The following GSE1 variants were observed in gnomAD, a reference collection of about 807,000 sequenced individuals.
GSE1 encodes the protein Gse1 coiled-coil protein.
Under a neutral mutation model 112.6 loss-of-function variants are expected in GSE1, and 32 were observed. The ratio of observed to expected loss-of-function variants is 0.28; its 90% CI spans 0.21 to 0.38. The LOEUF (loss-of-function observed/expected upper bound fraction) is 0.38, where lower values mean the gene tolerates loss of function less well. Ranked by LOEUF, GSE1 falls within the 10% of genes least tolerant of loss-of-function variation. The pLI is 1.00. For synonymous variants in GSE1, 1,115 were observed against 735.6 expected, an observed-to-expected ratio of 1.52 and a Z score of -8.35; for missense variants, 2,348 against 1,699.2, an observed-to-expected ratio of 1.38 and a Z score of -6.71.
At chr16:85,623,779 G>A (rs115470192) in intron 1 of GSE1, among the ~76,000 whole-genome samples, 3 of 152,250 alleles carry the variant, frequency 2.0e-5, no homozygotes, top group African/African-American at 4.8e-5. Context: ...ACCCCTCTTC[G>A]AAGGCCAGGT....
At chr16:85,346,430 G>GTAGA (rs145383664) in intron 1 of GSE1, among the ~76,000 whole-genome samples, 135,342 of 145,274 alleles carry the variant, frequency 0.93, 63,799 homozygotes, top group East Asian at 1. Context: ...TGATGGACAG[G>GTAGA]TGGATGGTGG....
intron 2 of GSE1, among the ~76,000 whole-genome samples, chr16:85,369,819 C>T (rs528626024): frequency 8.4e-4 from 128 of 152,336 alleles, no homozygotes; most frequent in African/African-American, 2.6e-3. Context: ...ATTTATTGAG[C>T]GCCGACTGTG....
chr16:85,515,523 G>A (rs1331973058), intron 2 of GSE1, among the ~76,000 whole-genome samples: 1 of 152,164 alleles, frequency 6.6e-6, no homozygotes, highest in Non-Finnish European at 1.5e-5. Context: ...AGCTCAGAAA[G>A]AAGGGCCAGA....
intron 1 of GSE1, among the ~76,000 whole-genome samples, chr16:85,321,360 C>G (rs1182458881): frequency 6.6e-6 from 1 of 152,194 alleles, no homozygotes; most frequent in Non-Finnish European, 1.5e-5. Context: ...TGGTTTCTCC[C>G]CTCTTCTGCC....
intron 1 of GSE1, among the ~76,000 whole-genome samples, chr16:85,219,625 C>T (rs928523802): frequency 2.0e-5 from 3 of 152,222 alleles, no homozygotes; most frequent in Non-Finnish European, 4.4e-5. Context: ...CCTCCATCTC[C>T]GAATGTCGCC....
intron 4 of GSE1, 152 bp downstream of exon 4, chr16:85,654,602 T>C: frequency 1.3e-6 from 1 of 781,624 alleles, no homozygotes; most frequent in African/African-American, 1.7e-5. Flanking sequence ...CAGCCCTGTC[T>C]GTGCCCCTTC....
intron 2 of GSE1, among the ~76,000 whole-genome samples, chr16:85,460,305 C>T (rs1166861146): frequency 6.6e-6 from 1 of 152,108 alleles, no homozygotes; most frequent in Admixed American, 6.5e-5. Context: ...ATACCTGGAC[C>T]CCCTTCTCCA....
At chr16:85,366,923 C>T (rs1167679794) in intron 2 of GSE1, among the ~76,000 whole-genome samples, 1 of 152,196 alleles carries the variant, frequency 6.6e-6, no homozygotes, top group African/African-American at 2.4e-5. Flanking sequence ...GGCTGAGTAG[C>T]AGGAGTGGCT....
chr16:85,286,189 T>C (rs2045019236), intron 1 of GSE1, among the ~76,000 whole-genome samples: 1 of 152,216 alleles, frequency 6.6e-6, no homozygotes, highest in South Asian at 2.1e-4. Flanking sequence ...GGCCCCGTGC[T>C]CCGAGCATGT....
intron 1 of GSE1, among the ~76,000 whole-genome samples, chr16:85,241,504 T>G (rs943668693): frequency 6.6e-6 from 1 of 152,206 alleles, no homozygotes; most frequent in East Asian, 1.9e-4. Context: ...AGTTGGTTAT[T>G]TTTTTTCAGA....
At chr16:85,605,066 C>T (rs931547697) in intron 1 of GSE1, among the ~76,000 whole-genome samples, 1 of 150,932 alleles carries the variant, frequency 6.6e-6, no homozygotes. Context: ...ATCCGTCCGC[C>T]TCGGCCTCCC....
intron 1 of GSE1, among the ~76,000 whole-genome samples, chr16:85,582,725 G>A (rs970840537): frequency 6.6e-6 from 1 of 152,066 alleles, no homozygotes; most frequent in Non-Finnish European, 1.5e-5. Flanking sequence ...GGGTGGGGAC[G>A]GGGCCATCCT....
At chr16:85,493,678 G>A (rs1025123551) in intron 2 of GSE1, among the ~76,000 whole-genome samples, 33 of 151,414 alleles carry the variant, frequency 2.2e-4, no homozygotes, top group Admixed American at 5.3e-4. Context: ...GCTTGAACCC[G>A]GGAGGCGGAG....
intron 1 of GSE1, among the ~76,000 whole-genome samples, chr16:85,269,301 A>G (rs778903860): frequency 6.7e-6 from 1 of 149,386 alleles, no homozygotes; most frequent in Admixed American, 6.6e-5. Flanking sequence ...CTGTGTCCCA[A>G]GATGGTGAGA....
intron 1 of GSE1, among the ~76,000 whole-genome samples, chr16:85,258,812 T>C (rs11863911): frequency 0.47 from 71,798 of 152,150 alleles, 19,185 homozygotes; most frequent in African/African-American, 0.74. Context: ...GTTTAGCCTC[T>C]GCCCCTTGTG....
intron 1 of GSE1, among the ~76,000 whole-genome samples, chr16:85,350,060 C>T (rs2046823122): frequency 6.6e-6 from 1 of 152,218 alleles, no homozygotes; most frequent in African/African-American, 2.4e-5. Context: ...GCTGACTTGA[C>T]TTCTGAGCCT....
At position 85,656,477 on chromosome 16, in the gene GSE1, G is replaced by A. The variant is rs755389489; in HGVS notation, c.1124G>A (p.Arg375His). Residue 375 changes from arginine to histidine, a missense_variant, in exon 7 of 16, where the codon CGT becomes CAT. Coordinates refer to ENST00000253458, the MANE Select transcript of GSE1 (RefSeq NM_014615.5). ...REKEREQEKE[R>H]EREKEREREL... ...AAGGAGCGCGAGCAAGAGAAGGAGC[G>A]TGAGCGTGAGAAGGAGCGCGAGCGC... is the stretch of plus-strand genomic sequence containing the variant. The A allele has an allele frequency of 2.2e-5, 34 of 1,530,954 alleles. No individual in the cohort carries two copies. Among genetic ancestry groups the A allele is most frequent in the Middle Eastern group, 1.7e-4 (1 of 5,776 alleles). The allele number at this position is 1,530,954 out of a possible 1,614,324, so 94.8% of individuals were successfully genotyped here. A position where few individuals can be genotyped will look rare whatever the true frequency, so the allele number is the denominator to read the frequency against.
chr16:85,640,030 G>C (rs558926073), intron 2 of GSE1, among the ~76,000 whole-genome samples: 2 of 152,214 alleles, frequency 1.3e-5, no homozygotes. Context: ...TTTGGGAACA[G>C]GGTGGCTCCA....
intron 2 of GSE1, among the ~76,000 whole-genome samples, chr16:85,367,273 C>T (rs978246949): frequency 1.6e-4 from 25 of 152,202 alleles, no homozygotes; most frequent in African/African-American, 3.6e-4. Context: ...ACCACGGCTC[C>T]GATCTGACCG....
Sources: allele counts gnomAD v4.1 joint callset (sites outside exome capture counted in the v4.1 genomes callset), GRCh38; gene constraint gnomAD v4.1.1; transcripts MANE v1.5; gene names NCBI Gene and HGNC (gene_info 2026-07-23, HGNC 2026-07-21).